Variants in LACTBL1 observed in about 807,000 individuals in gnomAD.
LACTBL1 encodes the protein lactamase beta like 1.
LACTBL1 carries 29 observed loss-of-function variants against 39.6 expected under a neutral mutation model. That is an observed-to-expected ratio of 0.73 (90% CI 0.55 to 1.00). The LOEUF (loss-of-function observed/expected upper bound fraction) is 1.00, where lower values mean the gene tolerates loss of function less well. Ranked by LOEUF, LACTBL1 falls within the 50% of genes least tolerant of loss-of-function variation. The pLI, the probability that LACTBL1 is intolerant of heterozygous loss-of-function variation, is 0.00. For synonymous variants in LACTBL1, 361 were observed against 360.7 expected (o/e 1.00, Z -0.01); for missense variants, 711 against 748.5 (o/e 0.95, Z 0.59).
chr1:22,955,790 C>T (rs768474689), intron 4 of LACTBL1, among the ~76,000 whole-genome samples: 8 of 152,110 alleles, frequency 5.3e-5, no homozygotes, highest in South Asian at 2.1e-4. Context: ...GGGCCGGGCG[C>T]GGTGGCTCAC....
At chr1:22,963,253 A>C in intron 1 of LACTBL1, 37 bp from the exon 4 acceptor site, 1 of 1,184,534 alleles carries the variant, frequency 8.4e-7, no homozygotes, top group Non-Finnish European at 1.1e-6. Flanking sequence ...GGGGACAGAG[A>C]TCAGGATAGG....
chr1:22,971,300 G>C, the LACTBL1 span, among the ~76,000 whole-genome samples: 1 of 152,078 alleles, frequency 6.6e-6, no homozygotes, highest in Non-Finnish European at 1.5e-5. Flanking sequence ...CATCTCGTCT[G>C]TCTCCAATCT....
chr1:22,953,994 G>C (rs1640738248), exon 6 of LACTBL1: 1 of 1,544,046 alleles, frequency 6.5e-7, no homozygotes, highest in Non-Finnish European at 8.7e-7. Flanking sequence ...CGTGGGCCAG[G>C]AGCGAGAAGG....
exon 4 of LACTBL1, chr1:22,958,885 A>T: frequency 6.4e-7 from 1 of 1,550,412 alleles, no homozygotes; most frequent in Non-Finnish European, 8.7e-7. Flanking sequence ...ACGGTACAGC[A>T]TGAGGACAGG....
At chr1:22,958,594 G>C in intron 4 of LACTBL1, 91 bp downstream of exon 6, 1 of 1,115,660 alleles carries the variant, frequency 9.0e-7, no homozygotes, top group South Asian at 1.6e-5. Context: ...GCAGAGCCAA[G>C]AGTGAGCCCA....
Position 22,962,463 on chromosome 1 carries a change from TAG to T in LACTBL1, c.159+642_159+643del, listed in dbSNP as rs1227716294. Among the ~76,000 whole-genome samples, 9 of 152,200 alleles carry T rather than the reference TAG, an allele frequency of 5.9e-5. No individual in the cohort carries two copies. In the East Asian group the frequency reaches 1.7e-3, roughly 29 times the overall value. On this transcript the variant is annotated intron_variant, in intron 2 of 5. Transcript: ENST00000426928. ...TGGCTGGGCTCTGACTGGCACAGAC[TAG>T]AGCTGACTGACACCTGCCTCTAGGG... is the stretch of plus-strand genomic sequence containing the variant.
chr1:22,965,439 G>T, upstream of LACTBL1: 3 of 1,245,036 alleles, frequency 2.4e-6, no homozygotes, highest in South Asian at 3.6e-5. Context: ...GGAGAGCAAG[G>T]ACATAAGGTA....
chr1:22,955,534 A>C, intron 4 of LACTBL1, 108 bp from the exon 7 acceptor site: 1 of 690,666 alleles, frequency 1.4e-6, no homozygotes, highest in East Asian at 2.8e-5. Flanking sequence ...TAACAACAAC[A>C]AATCAGTTTT....
chr1:22,963,206 T>C, exon 2 of LACTBL1: 1 of 1,353,988 alleles, frequency 7.4e-7, no homozygotes, highest in South Asian at 2.0e-5. Flanking sequence ...TCTCCTCTGG[T>C]CCCAGGGAAC....
intron 4 of LACTBL1, among the ~76,000 whole-genome samples, chr1:22,957,737 G>A (rs7554562): frequency 0.057 from 7,296 of 127,824 alleles, 463 homozygotes; most frequent in South Asian, 0.16. Context: ...TGCAACCTCC[G>A]CCTTCCAGGT....
chr1:22,955,833 T>A (rs1570498157), intron 4 of LACTBL1, among the ~76,000 whole-genome samples: 1 of 147,560 alleles, frequency 6.8e-6, no homozygotes, highest in Non-Finnish European at 1.5e-5. Flanking sequence ...GAGGCCAAGG[T>A]GGGCGGATTG....
exon 6 of LACTBL1, chr1:22,953,111 C>A: frequency 8.1e-7 from 1 of 1,229,940 alleles, no homozygotes; most frequent in Non-Finnish European, 1.0e-6. Flanking sequence ...CCGGGCACGT[C>A]GAAGCCGGGT....
At position 22,953,955 on chromosome 1, in the gene LACTBL1, G is replaced by A. The variant is rs767329946; in HGVS notation, c.729C>T (p.Asp243=). The change falls in exon 6 of 6, where the codon GAC becomes GAT. Residue 243 remains aspartate, a synonymous_variant. Coordinates refer to ENST00000426928, the Ensembl canonical transcript of LACTBL1. Reference sequence around the variant, plus strand: ...CGTTCTCCGAGACCCAGCGCTGGTAGTCGCCCTGGGCGGTGTGAGCTGCCA... The same window carrying A: ...CGTTCTCCGAGACCCAGCGCTGGTAATCGCCCTGGGCGGTGTGAGCTGCCA... 27 of 1,550,052 alleles carry A rather than the reference G, an allele frequency of 1.7e-5. No individual in the cohort carries two copies. In the South Asian group the frequency reaches 3.2e-4, roughly 18 times the overall value.
At chr1:22,969,339 C>T (rs570141978), upstream of LACTBL1, among the ~76,000 whole-genome samples, 1 of 152,186 alleles carries the variant, frequency 6.6e-6, no homozygotes, top group South Asian at 2.1e-4. Context: ...TTAAATACAC[C>T]AACCTGTCCC....
At chr1:22,955,257 C>T in intron 5 of LACTBL1, 64 bp downstream of exon 7, 1 of 1,319,610 alleles carries the variant, frequency 7.6e-7, no homozygotes, top group East Asian at 2.5e-5. Flanking sequence ...GGCTCTTTGC[C>T]AGGCAGGTGT....
exon 6 of LACTBL1, chr1:22,953,724 G>A: frequency 7.5e-7 from 1 of 1,336,792 alleles, no homozygotes; most frequent in African/African-American, 1.5e-5. Flanking sequence ...CGGGCCGCAG[G>A]AGCCGCCGGG....
intron 3 of LACTBL1, among the ~76,000 whole-genome samples, chr1:22,959,524 G>A (rs372610489): frequency 2.0e-5 from 3 of 152,348 alleles, no homozygotes; most frequent in African/African-American, 7.2e-5. Flanking sequence ...CAGAAGGGGA[G>A]ACTCCAGATA....
chr1:22,958,895 G>A (rs1341778278), exon 4 of LACTBL1: 2 of 1,549,806 alleles, frequency 1.3e-6, no homozygotes, highest in Non-Finnish European at 8.7e-7. Context: ...ATGAGGACAG[G>A]AAAGATCTTG....
At chr1:22,961,005 C>G (rs115587061) in intron 2 of LACTBL1, among the ~76,000 whole-genome samples, 244 of 152,122 alleles carry the variant, frequency 1.6e-3, no homozygotes, top group African/African-American at 5.6e-3. Context: ...GTCTCCAACT[C>G]CTGACCTCAA....
Sources: gnomAD v4.1 joint callset for allele counts (sites outside exome capture counted in the v4.1 genomes callset) on GRCh38, gnomAD v4.1.1 for gene constraint, MANE v1.5 for transcripts, NCBI Gene and HGNC (gene_info 2026-07-23, HGNC 2026-07-21) for gene names.